The following FHIT variants were observed in gnomAD, a reference collection of about 807,000 sequenced individuals.
The protein encoded by FHIT is bis(5'-adenosyl)-triphosphatase.
A neutral mutation model predicts 17.9 loss-of-function variants in FHIT; 19 were observed. The ratio of observed to expected loss-of-function variants is 1.06; its 90% CI spans 0.74 to 1.56. The LOEUF is 1.56. FHIT is among the 40% of genes most tolerant of loss of function. The probability of loss-of-function intolerance (pLI) is 0.00; values close to 1 mark genes in which losing one functional copy is unlikely to be tolerated. For missense variants in FHIT, 248 were observed against 189.2 expected (o/e 1.31, Z -1.82); for synonymous variants, 81 against 69.7 (o/e 1.16, Z -0.81).
intron 8 of FHIT, among the ~76,000 whole-genome samples, chr3:59,852,227 C>T (rs1044807635): frequency 1.3e-5 from 2 of 152,002 alleles, no homozygotes; most frequent in African/African-American, 4.8e-5. Context: ...CTTTGTTCTT[C>T]GGGTAGAGAG....
chr3:60,246,235 A>G (rs1705388927), intron 5 of FHIT, among the ~76,000 whole-genome samples: 1 of 152,102 alleles, frequency 6.6e-6, no homozygotes, highest in African/African-American at 2.4e-5. Flanking sequence ...CAGTTATACT[A>G]AAATAAAAAG....
At chr3:60,861,331 T>G (rs1490026477) in intron 3 of FHIT, among the ~76,000 whole-genome samples, 1 of 139,964 alleles carries the variant, frequency 7.1e-6, no homozygotes, top group East Asian at 2.0e-4. Flanking sequence ...ATTACAGCAG[T>G]TAGCCTACTT....
intron 8 of FHIT, among the ~76,000 whole-genome samples, chr3:59,852,631 ATAGAG>A (rs1424894735): frequency 1.3e-5 from 2 of 152,146 alleles, no homozygotes; most frequent in African/African-American, 4.8e-5. Flanking sequence ...ACAGTATCAT[ATAGAG>A]TAGTTTCATT....
chr3:61,096,656 G>T (rs974882773), intron 2 of FHIT, among the ~76,000 whole-genome samples: 3 of 152,180 alleles, frequency 2.0e-5, no homozygotes, highest in African/African-American at 4.8e-5. Flanking sequence ...GAGCCAGAAG[G>T]CTTTATTCTG....
intron 5 of FHIT, among the ~76,000 whole-genome samples, chr3:60,163,802 T>A (rs746754244): frequency 1.3e-5 from 2 of 152,164 alleles, no homozygotes; most frequent in Non-Finnish European, 2.9e-5. Context: ...CAGAAATGCC[T>A]CCAGACGTTG....
chr3:60,577,590 A>C (rs2037612157), intron 4 of FHIT, among the ~76,000 whole-genome samples: 3 of 152,194 alleles, frequency 2.0e-5, no homozygotes, highest in Admixed American at 6.5e-5. Context: ...TTTTGTAAGA[A>C]AAAGGTTGCA....
At chr3:60,113,797 C>G (rs11708267) in intron 5 of FHIT, among the ~76,000 whole-genome samples, 1 of 149,322 alleles carries the variant, frequency 6.7e-6, no homozygotes, top group African/African-American at 2.5e-5. Context: ...GTGAGGAGAT[C>G]GAGACCATCC....
At chr3:60,596,477 A>G (rs1261009819) in intron 4 of FHIT, among the ~76,000 whole-genome samples, 2 of 152,134 alleles carry the variant, frequency 1.3e-5, no homozygotes, top group African/African-American at 4.8e-5. Flanking sequence ...TGCAATGGAA[A>G]CATGACCTAA....
chr3:60,133,909 T>C (rs1349477799), intron 5 of FHIT, among the ~76,000 whole-genome samples: 1 of 151,684 alleles, frequency 6.6e-6, no homozygotes, highest in African/African-American at 2.4e-5. Context: ...AAGAAAATAC[T>C]GTAGAGCTTG....
chr3:60,608,319 C>CATT (rs2038674908), intron 4 of FHIT, among the ~76,000 whole-genome samples: 1 of 152,094 alleles, frequency 6.6e-6, no homozygotes, highest in Non-Finnish European at 1.5e-5. Context: ...CAAACACTCT[C>CATT]ATTCTCTAGC....
At chr3:60,941,002 G>T (rs142130821) in intron 3 of FHIT, among the ~76,000 whole-genome samples, 50 of 152,162 alleles carry the variant, frequency 3.3e-4, no homozygotes, top group African/African-American at 1.2e-3. Context: ...AATGTAAAAA[G>T]AAACAGTTGA....
intron 5 of FHIT, among the ~76,000 whole-genome samples, chr3:60,190,450 T>C (rs544840593): frequency 6.6e-6 from 1 of 151,698 alleles, no homozygotes; most frequent in Admixed American, 6.6e-5. Context: ...ATAGTTATAG[T>C]AAAAATTCTA....
At chr3:60,563,088 G>A (rs2037010529) in intron 4 of FHIT, among the ~76,000 whole-genome samples, 1 of 152,172 alleles carries the variant, frequency 6.6e-6, no homozygotes, top group South Asian at 2.1e-4. Context: ...AAACTTTGGA[G>A]CAGTGACTCT....
At chr3:61,028,982 G>A (rs1457163894) in intron 3 of FHIT, among the ~76,000 whole-genome samples, 2 of 152,022 alleles carry the variant, frequency 1.3e-5, no homozygotes, top group African/African-American at 4.8e-5. Context: ...TCTAGGTCAG[G>A]CACAGCTACA....
chr3:59,936,037 A>G (rs1391799814), intron 7 of FHIT, among the ~76,000 whole-genome samples: 1 of 152,154 alleles, frequency 6.6e-6, no homozygotes, highest in Non-Finnish European at 1.5e-5. Context: ...TCCCTTTTAA[A>G]AAACTCCTCA....
chr3:60,186,888 A>G (rs1702181418), intron 5 of FHIT, among the ~76,000 whole-genome samples: 1 of 151,982 alleles, frequency 6.6e-6, no homozygotes, highest in African/African-American at 2.4e-5. Flanking sequence ...ATTAGGAGGC[A>G]TAAGATATTT....
At chr3:61,174,073 T>C (rs903303072) in intron 2 of FHIT, among the ~76,000 whole-genome samples, 4 of 152,240 alleles carry the variant, frequency 2.6e-5, no homozygotes, top group Non-Finnish European at 4.4e-5. Context: ...AGGATCCCAC[T>C]ACTAAAGCCT....
intron 5 of FHIT, among the ~76,000 whole-genome samples, chr3:60,426,961 A>T (rs1352800303): frequency 1.3e-5 from 2 of 152,080 alleles, no homozygotes; most frequent in Non-Finnish European, 2.9e-5. Flanking sequence ...CACTTCTGTG[A>T]CTAGGTTATG....
chr3:60,517,542 T>G (rs1161758497), intron 5 of FHIT, among the ~76,000 whole-genome samples: 2 of 152,198 alleles, frequency 1.3e-5, no homozygotes, highest in African/African-American at 4.8e-5. Flanking sequence ...GGTCAAAGGG[T>G]GGTCTTCAGT....
Sources: allele counts gnomAD v4.1 joint callset (sites outside exome capture counted in the v4.1 genomes callset), GRCh38; gene constraint gnomAD v4.1.1; transcripts MANE v1.5; gene names NCBI Gene and HGNC (gene_info 2026-07-23, HGNC 2026-07-21).